Variants in GLB1L2 observed in about 807,000 individuals in gnomAD.
GLB1L2 encodes beta-galactosidase-1-like protein 2.
Under a neutral mutation model 84.1 loss-of-function variants are expected in GLB1L2, and 68 were observed. The observed-to-expected ratio is 0.81, with a 90% CI of 0.67 to 0.99. GLB1L2 has a LOEUF of 0.99. Ranked by LOEUF, GLB1L2 falls within the 50% of genes least tolerant of loss-of-function variation. The pLI, the probability that GLB1L2 is intolerant of heterozygous loss-of-function variation, is 0.00. For missense variants in GLB1L2, 762 were observed against 805.6 expected, an observed-to-expected ratio of 0.95 and a Z score of 0.66; for synonymous variants, 290 against 318.0, an observed-to-expected ratio of 0.91 and a Z score of 0.94.
chr11:134,369,897 A>T lies in GLB1L2; in HGVS notation c.1108+12A>T. 6.2e-7 allele frequency: 1 copy of T among 1,611,296 alleles called. No homozygotes were observed. Among genetic ancestry groups the T allele is most frequent in the Non-Finnish European group, 8.5e-7 (1 of 1,177,644 alleles). ...CGGCTCCATCTCAGGTACCCAGCAG[A>T]CAGCAGACTCAAGTTCCAACTCAGG... On this transcript the variant is annotated intron_variant, in intron 11 of 18. Transcript: ENST00000535456.
intron 1 of GLB1L2, among the ~76,000 whole-genome samples, chr11:134,341,908 C>A (rs1434969022): frequency 2.0e-5 from 3 of 152,148 alleles, no homozygotes; most frequent in Admixed American, 2.0e-4. Context: ...GAGCGAGCGC[C>A]GGTGGGGACG....
At chr11:134,366,277 C>T (rs934207019) in intron 8 of GLB1L2, among the ~76,000 whole-genome samples, 4 of 152,316 alleles carry the variant, frequency 2.6e-5, no homozygotes, top group African/African-American at 9.6e-5. Context: ...AGGTAGGTGG[C>T]TTGTAAAGAA....
At chr11:134,341,056 C>A (rs963604228) in intron 1 of GLB1L2, among the ~76,000 whole-genome samples, 1 of 152,160 alleles carries the variant, frequency 6.6e-6, no homozygotes, top group Non-Finnish European at 1.5e-5. Context: ...AAGTCTAGCA[C>A]ATAAGCTATA....
intron 5 of GLB1L2, among the ~76,000 whole-genome samples, chr11:134,355,821 C>A (rs1004410800): frequency 2.0e-5 from 3 of 152,182 alleles, no homozygotes; most frequent in Non-Finnish European, 4.4e-5. Context: ...GAAACCAGTA[C>A]GTTGGGCAGA....
In GLB1L2 at chr11:134,339,619, G is replaced by A. The variant is rs1332727815; in HGVS notation, c.87-3135G>A. Among the ~76,000 whole-genome samples the A allele has an allele frequency of 6.6e-6, 1 of 151,894 alleles. No homozygotes were observed. Among genetic ancestry groups the A allele is most frequent in the African/African-American group, 2.4e-5 (1 of 41,352 alleles). On this transcript the variant is annotated intron_variant, in intron 1 of 18. Transcript: ENST00000535456. The surrounding 1 kb of genome is among the most constrained non-coding windows in gnomAD (Gnocchi z 5.7). Reference sequence around the variant, plus strand: ...CCTCTTGCTATGCACTGAGAAGAACGTTTCATTCTAAAAATATAGAAAATG... The same window carrying A: ...CCTCTTGCTATGCACTGAGAAGAACATTTCATTCTAAAAATATAGAAAATG...
chr11:134,339,733 C>T lies in GLB1L2; in HGVS notation c.87-3021C>T, dbSNP rs1349017242. Among the ~76,000 whole-genome samples, 1 of 151,900 alleles carries T rather than the reference C, an allele frequency of 6.6e-6. No individual in the cohort carries two copies. Among genetic ancestry groups the T allele is most frequent in the African/African-American group, 2.4e-5 (1 of 41,366 alleles). ...AGGAGAAGACGCAGATTGGGCTTCT[C>T]GAGCTGTAACCTTGGGATTGGTTAG... On this transcript the variant is annotated intron_variant, in intron 1 of 18. Transcript: ENST00000535456. The surrounding 1 kb of genome is among the most constrained non-coding windows in gnomAD (Gnocchi z 5.7).
chr11:134,333,969 C>A (rs547005935), intron 1 of GLB1L2, among the ~76,000 whole-genome samples: 3 of 152,276 alleles, frequency 2.0e-5, no homozygotes, highest in Admixed American at 1.3e-4. Flanking sequence ...TTTTTGGCAT[C>A]TTTTTGATTT....
rs141505053 is a variant in GLB1L2, at chr11:134,356,308, G to T, written c.566G>T (p.Arg189Leu). ...TCTGTCTTTTCTCCGCAGTACAAGC[G>T]TGGGGGACCTATCATTGCCGTGCAG... The part of the protein sequence containing the change: ...MSRVVPLQYK[R>L]GGPIIAVQVE... Residue 189 changes from arginine (R) to leucine (L), a missense_variant, in exon 6 of 19, where the codon CGT becomes CTT. By Grantham distance (102) the Arg-to-Leu change is moderately radical. Transcript: ENST00000535456. 2 of 1,613,750 alleles carry T rather than the reference G, an allele frequency of 1.2e-6. No individual in the cohort carries two copies. The highest frequency in any genetic ancestry group is 1.3e-5 in the African/African-American group (1 of 74,906).
At position 134,338,237 on chromosome 11, in the gene GLB1L2, C is replaced by T. The variant is rs986188440; in HGVS notation, c.87-4517C>T. Among the ~76,000 whole-genome samples the T allele has an allele frequency of 2.6e-5, 4 of 152,180 alleles. No individual in the cohort carries two copies. Among genetic ancestry groups the T allele is most frequent in the Non-Finnish European group, 2.9e-5 (2 of 68,032 alleles). ...GAGATGACTGTGACCCCAGTGAGGC[C>T]TCCCAGCCGTACCATGACCCCGGTT... On this transcript the variant is annotated intron_variant, in intron 1 of 18. Transcript: ENST00000535456. This position sits in a 1 kb window ranked among gnomAD's most constrained non-coding sequence, Gnocchi z 6.2.
chr11:134,345,040 C>T lies in GLB1L2; in HGVS notation c.360C>T (p.Phe120=), dbSNP rs147846221. 3.9e-5 allele frequency: 63 copies of T among 1,612,264 alleles called. No homozygotes were observed. The African/African-American group carries it at 4.0e-4, about 10-fold the overall frequency. ...DFSGNLDLEA[F]VLMAAEIGLW... ...ACGATGTGGACCTCCCTAGGGCCTT[C>T]GTCCTGATGGCCGCAGAGATCGGGC... Residue 120 remains phenylalanine (F), a synonymous_variant, in exon 4 of 19, where the codon TTC becomes TTT. Coordinates refer to ENST00000535456, the MANE Select transcript of GLB1L2 (RefSeq NM_001370461.1).
At chr11:134,347,706 G>A (rs1470301951) in intron 5 of GLB1L2, among the ~76,000 whole-genome samples, 2 of 152,202 alleles carry the variant, frequency 1.3e-5, no homozygotes, top group Non-Finnish European at 1.5e-5. Flanking sequence ...AGACAGGGAT[G>A]CTGTGATAGC....
In GLB1L2 at chr11:134,364,338, C is replaced by T; in HGVS notation, c.744C>T (p.Thr248=). 6.2e-7 allele frequency: 1 copy of T among 1,613,768 alleles called. No homozygotes were observed. The highest frequency in any genetic ancestry group is 8.5e-7 in the Non-Finnish European group (1 of 1,179,720). Residue 248 remains threonine (T), a synonymous_variant, in exon 8 of 19, where the codon ACC becomes ACT. Coordinates refer to ENST00000535456, the MANE Select transcript of GLB1L2 (RefSeq NM_001370461.1). ...SKGIVQGVLA[T]INLQSTHELQ... Reference sequence around the variant, plus strand: ...TCTTCCCTTTAACAGTCTTGGCCACCATCAACTTGCAGTCAACACACGAGC... The same window carrying T: ...TCTTCCCTTTAACAGTCTTGGCCACTATCAACTTGCAGTCAACACACGAGC...
intron 15 of GLB1L2, among the ~76,000 whole-genome samples, chr11:134,372,195 G>A (rs912724939): frequency 2.6e-5 from 4 of 152,200 alleles, no homozygotes; most frequent in Admixed American, 6.5e-5. Flanking sequence ...CAAGACCCCT[G>A]CCTTCTTGGG....
chr11:134,336,331 G>A (rs1943387232), intron 1 of GLB1L2, among the ~76,000 whole-genome samples: 1 of 152,182 alleles, frequency 6.6e-6, no homozygotes, highest in Non-Finnish European at 1.5e-5. Context: ...CTGGCCCCTA[G>A]GCTAGGCACC....
intron 15 of GLB1L2, 81 bp from the exon 16 acceptor site, chr11:134,373,640 A>C: frequency 1.1e-6 from 1 of 875,364 alleles, no homozygotes; most frequent in Non-Finnish European, 1.9e-6. Flanking sequence ...CCAGCTTCCC[A>C]GGGCTTCCCC....
chr11:134,374,297 C>T (rs1943996619), intron 17 of GLB1L2, 41 bp downstream of exon 17: 1 of 1,463,206 alleles, frequency 6.8e-7, no homozygotes, highest in Non-Finnish European at 9.6e-7. Context: ...TCCCACCTGC[C>T]TCCCGCCTTG....
In GLB1L2 at chr11:134,374,675, C is replaced by T. The variant is rs760988713; in HGVS notation, c.1781C>T (p.Thr594Met). Residue 594 changes from threonine to methionine, a missense_variant, in exon 18 of 19, where the codon ACG becomes ATG. Physicochemically the swap from Thr to Met is moderately conservative, Grantham distance 81. Coordinates refer to ENST00000535456, the MANE Select transcript of GLB1L2 (RefSeq NM_001370461.1). ...TACTGGAACATTGGACCCCAGAAGACGCTTTACCTCCCAGGTCCCTGGTTG... is the reference window on the plus strand; with the variant it reads ...TACTGGAACATTGGACCCCAGAAGATGCTTTACCTCCCAGGTCCCTGGTTG... ...GRYWNIGPQKTLYLPGPWLSS... is the reference protein window; with the variant it reads ...GRYWNIGPQKMLYLPGPWLSS... 1.2e-5 allele frequency: 20 copies of T among 1,614,000 alleles called. No individual in the cohort carries two copies. The highest frequency in any genetic ancestry group is 3.3e-4 in the Middle Eastern group (2 of 6,058).
intron 13 of GLB1L2, 135 bp downstream of exon 13, chr11:134,371,283 AG>A (rs1565443174): frequency 1.6e-6 from 2 of 1,277,346 alleles, no homozygotes; most frequent in South Asian, 2.4e-5. Flanking sequence ...GTGAGCCTTC[AG>A]GGGGCATTCA....
chr11:134,342,505 C>T (rs1458413720), intron 1 of GLB1L2, among the ~76,000 whole-genome samples: 1 of 152,168 alleles, frequency 6.6e-6, no homozygotes, highest in Non-Finnish European at 1.5e-5. Flanking sequence ...CCTTTCAGCC[C>T]GCCGGCCTCC....
Sources: gnomAD v4.1 joint callset for allele counts (sites outside exome capture counted in the v4.1 genomes callset) on GRCh38, gnomAD v4.1.1 for gene constraint, Gnocchi (gnomAD v3.1) non-coding constraint, MANE v1.5 for transcripts, NCBI Gene and HGNC (gene_info 2026-07-23, HGNC 2026-07-21) for gene names.